CRYZL1: variants seen among roughly 807,000 people sequenced by gnomAD.
CRYZL1 encodes ferry endosomal RAB5 effector complex subunit 4.
In CRYZL1, 34 loss-of-function variants were observed where a neutral mutation model predicts 50.6. The observed-to-expected ratio is 0.67, with a 90% CI of 0.51 to 0.89. The LOEUF (loss-of-function observed/expected upper bound fraction) is 0.89. CRYZL1 is among the 40% of genes least tolerant of loss of function. The pLI is 0.00. For synonymous variants in CRYZL1, 125 were observed against 134.3 expected (o/e 0.93, Z 0.48); for missense variants, 354 against 402.3 (o/e 0.88, Z 1.03).
chr21:33,624,654 A>G lies in CRYZL1; in HGVS notation c.144+29T>C, dbSNP rs560815978. ...AAATACACTAAGAAACTCTCATTTTACTTTGTGCCATAATAAAAGAACCAA... is the reference window on the plus strand; with the variant it reads ...AAATACACTAAGAAACTCTCATTTTGCTTTGTGCCATAATAAAAGAACCAA... On this transcript the variant is annotated intron_variant, in intron 3 of 12. Coordinates refer to ENST00000381554, the MANE Select transcript of CRYZL1 (RefSeq NM_145858.3). 13 of 1,605,164 alleles carry G rather than the reference A, an allele frequency of 8.1e-6. No homozygotes were observed. The South Asian group carries it at 1.5e-4, about 18-fold the overall frequency.
At chr21:33,626,176 C>G (rs1011353306) in intron 2 of CRYZL1, among the ~76,000 whole-genome samples, 2 of 151,702 alleles carry the variant, frequency 1.3e-5, no homozygotes, top group African/African-American at 4.8e-5. Context: ...CCAGGTTGGT[C>G]TTGAACTCCT....
chr21:33,599,304 C>T (rs1359639906), intron 8 of CRYZL1, 56 bp from the exon 9 acceptor site: 1 of 1,611,166 alleles, frequency 6.2e-7, no homozygotes, highest in Admixed American at 1.7e-5. Flanking sequence ...TCAACACAAA[C>T]AAATCAGGGA....
chr21:33,602,942 A>G (rs1306110360), intron 7 of CRYZL1, among the ~76,000 whole-genome samples: 1 of 152,248 alleles, frequency 6.6e-6, no homozygotes, highest in Admixed American at 6.5e-5. Context: ...AGATGACAAT[A>G]TTTTATGTAT....
chr21:33,635,494 G>A (rs2087195219), intron 1 of CRYZL1, among the ~76,000 whole-genome samples: 1 of 151,136 alleles, frequency 6.6e-6, no homozygotes, highest in African/African-American at 2.4e-5. Context: ...GGGACTACAG[G>A]CGCCCACCAC....
intron 6 of CRYZL1, among the ~76,000 whole-genome samples, chr21:33,606,348 A>G (rs990141447): frequency 1.3e-5 from 2 of 152,230 alleles, no homozygotes; most frequent in African/African-American, 4.8e-5. Flanking sequence ...AACTGCGGCC[A>G]GGCAAGGTGG....
chr21:33,595,544 G>A, intron 11 of CRYZL1, 187 bp downstream of exon 11: 1 of 1,260,754 alleles, frequency 7.9e-7, no homozygotes, highest in Non-Finnish European at 1.1e-6. Flanking sequence ...AAATGGGGAT[G>A]ATAACAGTAC....
chr21:33,605,530 C>CCTTTTTTTTTTTTTTTTTTTTT (rs2086802323), intron 6 of CRYZL1, among the ~76,000 whole-genome samples: 2 of 53,196 alleles, frequency 3.8e-5, no homozygotes, highest in Non-Finnish European at 6.4e-5. Context: ...TACAAGAATT[C>CCTTTTTTTTTTTTTTTTTTTTT]TTTTTTTTTT....
chr21:33,603,855 A>G (rs940576813), intron 6 of CRYZL1, among the ~76,000 whole-genome samples: 14 of 152,242 alleles, frequency 9.2e-5, no homozygotes, highest in Non-Finnish European at 1.6e-4. Context: ...GTGGAGAGAG[A>G]GCACAACCAT....
At chr21:33,589,989 T>C (rs1401899362) in intron 12 of CRYZL1, 68 bp from the exon 13 acceptor site, 17 of 863,394 alleles carry the variant, frequency 2.0e-5, no homozygotes, top group Non-Finnish European at 3.0e-5. Context: ...GGGTGGTATA[T>C]GACAAATGCT....
intron 6 of CRYZL1, among the ~76,000 whole-genome samples, chr21:33,608,696 A>G (rs2086839044): frequency 6.6e-6 from 1 of 152,148 alleles, no homozygotes; most frequent in African/African-American, 2.4e-5. Flanking sequence ...GTCACAAATG[A>G]CACAATTTCC....
At chr21:33,637,570 C>T (rs1234716287) in intron 1 of CRYZL1, among the ~76,000 whole-genome samples, 1 of 151,742 alleles carries the variant, frequency 6.6e-6, no homozygotes, top group African/African-American at 2.4e-5. Context: ...CTCATCTATT[C>T]CCCTATGGTT....
At chr21:33,640,496 T>C (rs900256230) in intron 1 of CRYZL1, among the ~76,000 whole-genome samples, 2 of 152,062 alleles carry the variant, frequency 1.3e-5, no homozygotes, top group Admixed American at 6.6e-5. Flanking sequence ...TCTTAGATAA[T>C]AATAGCAGTT....
Position 33,613,552 on chromosome 21 carries a change from T to C in CRYZL1, c.317A>G (p.His106Arg), listed in dbSNP as rs776393357. The stretch of plus-strand genomic sequence containing the variant: ...TTGCTACATACCCAAGTAATGCTCA[T>C]GTACTCTAACAACTTCACAAAGTCC... The part of the protein sequence containing the change: ...DPGLCEVVRV[H>R]EHYLVHKPEK... Residue 106 changes from histidine (H) to arginine (R), a missense_variant, in exon 6 of 13, where the codon CAT becomes CGT. Transcript: ENST00000381554. 1.9e-6 allele frequency: 3 copies of C among 1,611,566 alleles called. No homozygotes were observed. Among genetic ancestry groups the C allele is most frequent in the African/African-American group, 2.7e-5 (2 of 74,900 alleles).
At chr21:33,610,728 T>C (rs930649447) in intron 6 of CRYZL1, among the ~76,000 whole-genome samples, 1 of 87,350 alleles carries the variant, frequency 1.1e-5, no homozygotes, top group African/African-American at 3.9e-5. Flanking sequence ...TGTTTGGTTG[T>C]TTTTTTTTTT....
At chr21:33,591,551 G>T in intron 11 of CRYZL1, 1 of 305,306 alleles carries the variant, frequency 3.3e-6, no homozygotes, top group Non-Finnish European at 6.1e-6. Context: ...GGCATTTTTA[G>T]TTAAAAACAA....
At chr21:33,637,760 C>CATATATATATATATATATATATATATAT (rs10536195) in intron 1 of CRYZL1, among the ~76,000 whole-genome samples, 1 of 131,738 alleles carries the variant, frequency 7.6e-6, no homozygotes, top group Non-Finnish European at 1.6e-5. Context: ...AAGAGAAAAA[C>CATATATATATATATATATATATATATAT]ATATATATAT....
chr21:33,624,847 AT>A, intron 2 of CRYZL1, 87 bp from the exon 3 acceptor site: 1 of 1,487,062 alleles, frequency 6.7e-7, no homozygotes, highest in South Asian at 1.3e-5. Context: ...TTTACATGTA[AT>A]TAAACAAAAT....
At chr21:33,591,113 T>C in intron 12 of CRYZL1, 49 bp downstream of exon 12, 5 of 1,458,398 alleles carry the variant, frequency 3.4e-6, no homozygotes, top group Non-Finnish European at 4.8e-6. Context: ...CTTAGCTCCC[T>C]GAAAATAGAA....
At position 33,603,500 on chromosome 21, in the gene CRYZL1, T is replaced by G; in HGVS notation, c.369A>C (p.Ala123=). ...CACGCACTCCATCCCGAATGCTTCC[T>G]GCTGCTTCCGTCCATGTGACCTTTT... ...KPEKVTWTEA[A]GSIRDGVRAY... is the part of the protein sequence containing the mutation. Residue 123 remains alanine (A), a synonymous_variant, in exon 7 of 13, where the codon GCA becomes GCC. Transcript: ENST00000381554. 6.2e-7 allele frequency: 1 copy of G among 1,614,188 alleles called. No homozygotes were observed. Among genetic ancestry groups the G allele is most frequent in the Admixed American group, 1.7e-5 (1 of 60,016 alleles).
Sources: allele counts gnomAD v4.1 joint callset (sites outside exome capture counted in the v4.1 genomes callset), GRCh38; gene constraint gnomAD v4.1.1; transcripts MANE v1.5; gene names NCBI Gene and HGNC (gene_info 2026-07-23, HGNC 2026-07-21).